PARN: variants seen among roughly 807,000 people sequenced by gnomAD.
The protein encoded by PARN is poly(A)-specific ribonuclease PARN.
Under a neutral mutation model 102.8 loss-of-function variants are expected in PARN, and 71 were observed. The observed-to-expected ratio is 0.69, with a 90% CI of 0.57 to 0.84. The LOEUF (loss-of-function observed/expected upper bound fraction) is 0.84. Ranked by LOEUF, PARN falls within the 40% of genes least tolerant of loss-of-function variation. The pLI, the probability that PARN is intolerant of heterozygous loss-of-function variation, is 0.00. For missense variants in PARN, 782 were observed against 760.9 expected (o/e 1.03, Z -0.33); for synonymous variants, 261 against 252.9 (o/e 1.03, Z -0.30).
chr16:14,439,928 T>C lies in PARN; in HGVS notation c.1865-3156A>G, dbSNP rs554683503. On this transcript the variant is annotated intron_variant, in intron 23 of 23. Coordinates refer to ENST00000437198, the MANE Select transcript of PARN (RefSeq NM_002582.4). ...TACTCAGGAGGCTGAGGCAGGAGAA[T>C]AGCCTGAACCCGAGAGGCGGAGGTT... 2.8e-3 allele frequency among the ~76,000 whole-genome samples: 429 copies of C among 152,170 alleles called. 4 individuals are homozygous for C. The highest frequency in any genetic ancestry group is 3.6e-3 in the Non-Finnish European group (248 of 68,002).
At chr16:14,447,143 A>T (rs1326615495) in intron 22 of PARN, 62 bp from the exon 23 acceptor site, 8 of 1,147,790 alleles carry the variant, frequency 7.0e-6, no homozygotes, top group Non-Finnish European at 9.8e-6. Flanking sequence ...ACTAGTCTAT[A>T]AAAATATTTT....
chr16:14,466,459 CT>C (rs1962362560), intron 22 of PARN, among the ~76,000 whole-genome samples: 1 of 152,170 alleles, frequency 6.6e-6, no homozygotes, highest in Non-Finnish European at 1.5e-5. Flanking sequence ...TACGATTTGG[CT>C]TTATGACCTT....
chr16:14,611,321 T>C (rs1391774468), intron 6 of PARN, among the ~76,000 whole-genome samples: 4 of 152,206 alleles, frequency 2.6e-5, no homozygotes. Flanking sequence ...GGAGAGAGTA[T>C]GGAGCAAGAT....
At chr16:14,470,153 A>G (rs931739611) in intron 22 of PARN, among the ~76,000 whole-genome samples, 2 of 152,212 alleles carry the variant, frequency 1.3e-5, no homozygotes, top group Admixed American at 6.5e-5. Flanking sequence ...AACAAAGGTC[A>G]TATAAGTATA....
At chr16:14,445,536 A>T (rs777315123) in intron 23 of PARN, among the ~76,000 whole-genome samples, 1 of 152,182 alleles carries the variant, frequency 6.6e-6, no homozygotes, top group Non-Finnish European at 1.5e-5. Flanking sequence ...CTCAACACAT[A>T]ACCTTGGTTA....
intron 21 of PARN, among the ~76,000 whole-genome samples, chr16:14,531,107 T>C (rs1157841931): frequency 6.6e-6 from 1 of 152,052 alleles, no homozygotes; most frequent in South Asian, 2.1e-4. Flanking sequence ...TCCCAGCACT[T>C]TGGGAGGCTG....
At chr16:14,472,770 C>G (rs1196361366) in intron 22 of PARN, among the ~76,000 whole-genome samples, 1 of 152,180 alleles carries the variant, frequency 6.6e-6, no homozygotes, top group Non-Finnish European at 1.5e-5. Context: ...AAAATTACTT[C>G]CCTCAAAAAA....
chr16:14,441,802 G>A (rs758478608), intron 23 of PARN, among the ~76,000 whole-genome samples: 59 of 152,218 alleles, frequency 3.9e-4, no homozygotes, highest in Non-Finnish European at 7.6e-4. Context: ...TCAGGTGACC[G>A]ACAGCAGCAG....
chr16:14,567,992 G>A (rs376033937), intron 18 of PARN, among the ~76,000 whole-genome samples: 7 of 152,188 alleles, frequency 4.6e-5, no homozygotes, highest in Admixed American at 2.0e-4. Flanking sequence ...TTGGCATCAC[G>A]TATGTGGGCC....
chr16:14,447,007 A>G lies in PARN; in HGVS notation c.1745T>C (p.Val582Ala). 1 of 1,613,424 alleles carries G rather than the reference A, an allele frequency of 6.2e-7. No individual in the cohort carries two copies. Among genetic ancestry groups the G allele is most frequent in the Non-Finnish European group, 8.5e-7 (1 of 1,179,626 alleles). ...CTCAGTGTCGGAAATCTCCCCTGAC[A>G]CTCCGTCCTCCAGGCCAGCTTCCTC... ...SQEEAGLEDG[V>A]SGEISDTELE... is the part of the protein sequence containing the mutation. The change falls in exon 23 of 24, where the codon GTG becomes GCG. Residue 582 changes from valine (V) to alanine (A), a missense_variant. Transcript: ENST00000437198.
chr16:14,445,514 GGGTC>G (rs1961162152), intron 23 of PARN, among the ~76,000 whole-genome samples: 3 of 152,198 alleles, frequency 2.0e-5, no homozygotes, highest in African/African-American at 4.8e-5. Context: ...AATTGTGTCT[GGGTC>G]AGTGTCTCTC....
At chr16:14,522,722 C>T (rs1465917911) in intron 21 of PARN, among the ~76,000 whole-genome samples, 1 of 152,126 alleles carries the variant, frequency 6.6e-6, no homozygotes, top group Non-Finnish European at 1.5e-5. Context: ...GATGGGCACA[C>T]AGAAAGGCTG....
chr16:14,618,974 T>C (rs371190985), intron 5 of PARN, among the ~76,000 whole-genome samples: 3 of 151,968 alleles, frequency 2.0e-5, no homozygotes, highest in Non-Finnish European at 4.4e-5. Flanking sequence ...ATGAGGAAGA[T>C]CGCTTGAGCC....
chr16:14,589,117 T>A (rs1970022518), intron 13 of PARN, among the ~76,000 whole-genome samples: 1 of 149,234 alleles, frequency 6.7e-6, no homozygotes. Flanking sequence ...TAGGCAGAGG[T>A]TGCAGTGAGT....
chr16:14,547,162 G>A lies in PARN; in HGVS notation c.1480+4859C>T, dbSNP rs573209979. Among the ~76,000 whole-genome samples the A allele has an allele frequency of 1.6e-4, 25 of 152,050 alleles. 1 individual carries two copies. Among genetic ancestry groups the A allele is most frequent in the Admixed American group, 1.4e-3 (22 of 15,270 alleles). On this transcript the variant is annotated intron_variant, in intron 21 of 23. Transcript: ENST00000437198. ...TGAGAAAAATTCTCAAATGGTGAAG[G>A]TAAGTGGTCTTTCCATGGCACCAAG...
At chr16:14,553,256 TAAAAAAAAAAA>T (rs58411352) in intron 20 of PARN, among the ~76,000 whole-genome samples, 3 of 117,470 alleles carry the variant, frequency 2.6e-5, no homozygotes, top group African/African-American at 6.7e-5. Flanking sequence ...TATTTCTATT[TAAAAAAAAAAA>T]AAAAAAAAAA....
At chr16:14,530,936 G>C (rs915047754) in intron 21 of PARN, among the ~76,000 whole-genome samples, 1 of 152,074 alleles carries the variant, frequency 6.6e-6, no homozygotes, top group African/African-American at 2.4e-5. Context: ...AAAAACACTT[G>C]TTATCTGTAT....
intron 21 of PARN, among the ~76,000 whole-genome samples, chr16:14,500,022 GTC>G (rs1316622852): frequency 6.6e-6 from 1 of 152,144 alleles, no homozygotes; most frequent in African/African-American, 2.4e-5. Flanking sequence ...ACTTCTGAAA[GTC>G]AGGTATACAG....
At chr16:14,547,040 C>T (rs1253653428) in intron 21 of PARN, among the ~76,000 whole-genome samples, 4 of 151,414 alleles carry the variant, frequency 2.6e-5, no homozygotes, top group Non-Finnish European at 5.9e-5. Context: ...TTGCAGTGAG[C>T]CAAGATCGCA....
Sources: allele counts gnomAD v4.1 joint callset (sites outside exome capture counted in the v4.1 genomes callset), GRCh38; gene constraint gnomAD v4.1.1; transcripts MANE v1.5; gene names NCBI Gene and HGNC (gene_info 2026-07-23, HGNC 2026-07-21).